Variants in ZFAT observed in about 807,000 individuals in gnomAD.
ZFAT encodes zinc finger and AT-hook domain containing, also known as zinc finger protein ZFAT.
In ZFAT, 64 loss-of-function variants were observed where a neutral mutation model predicts 117.7. The observed-to-expected ratio is 0.54, with a 90% CI of 0.44 to 0.67. ZFAT has a LOEUF of 0.67. Ranked by LOEUF, ZFAT falls within the 30% of genes least tolerant of loss-of-function variation. The pLI is 0.00. For synonymous variants in ZFAT, 679 were observed against 615.0 expected (o/e 1.10, Z -1.54); for missense variants, 1,433 against 1,584.5 (o/e 0.90, Z 1.62).
At chr8:134,827,509 T>C in the ZFAT span, among the ~76,000 whole-genome samples, 1 of 152,190 alleles carries the variant, frequency 6.6e-6, no homozygotes, top group Non-Finnish European at 1.5e-5. Context: ...GGCTAACACC[T>C]GTAATCCCAG....
chr8:134,615,702 C>T (rs1221324412), intron 3 of ZFAT, among the ~76,000 whole-genome samples: 1 of 152,226 alleles, frequency 6.6e-6, no homozygotes, highest in African/African-American at 2.4e-5. Flanking sequence ...AAATACACAC[C>T]TCCAAGCCCC....
At chr8:134,689,707 T>C (rs764329482) in intron 1 of ZFAT, among the ~76,000 whole-genome samples, 1 of 152,216 alleles carries the variant, frequency 6.6e-6, no homozygotes, top group African/African-American at 2.4e-5. Context: ...TACTTTTTTC[T>C]TAAAAGGTAC....
At chr8:134,657,521 G>A (rs756298450) in intron 2 of ZFAT, 40 bp downstream of exon 2, 4 of 1,544,282 alleles carry the variant, frequency 2.6e-6, no homozygotes, top group Non-Finnish European at 2.6e-6. Flanking sequence ...ATCAACAGGT[G>A]TGTCAGAAGG....
intron 1 of ZFAT, among the ~76,000 whole-genome samples, chr8:134,659,454 C>G (rs1190403036): frequency 6.6e-6 from 1 of 152,206 alleles, no homozygotes; most frequent in Admixed American, 6.5e-5. Flanking sequence ...ACCAACACTT[C>G]ACTTGTGTGA....
the ZFAT span, among the ~76,000 whole-genome samples, chr8:134,801,137 G>A: frequency 1.3e-5 from 2 of 152,004 alleles, no homozygotes; most frequent in Non-Finnish European, 2.9e-5. Context: ...ATGAAACACT[G>A]TGAGGAGCTT....
At chr8:134,529,909 T>C (rs1821293135) in intron 12 of ZFAT, among the ~76,000 whole-genome samples, 1 of 152,170 alleles carries the variant, frequency 6.6e-6, no homozygotes, top group African/African-American at 2.4e-5. Context: ...CCATGGAGAA[T>C]GCCATAGTAC....
In ZFAT at chr8:134,566,411, G is replaced by A. The variant is rs78128392; in HGVS notation, c.2888-990C>T. On this transcript the variant is annotated intron_variant, in intron 10 of 15. Coordinates refer to ENST00000377838, the MANE Select transcript of ZFAT (RefSeq NM_020863.4). ...TCCAACTCAAAAAAAAAAAAAAAAA[G>A]ATTAAGGTTTTAGCAATATTTAAAC... Among the ~76,000 whole-genome samples, 670 of 76,036 alleles carry A rather than the reference G, an allele frequency of 8.8e-3. 3 individuals are homozygous for A. The highest frequency in any genetic ancestry group is 0.018 in the East Asian group (24 of 1,348). The allele number at this position is 76,036 out of a possible 152,430, so 49.9% of individuals were successfully genotyped here. A position where few individuals can be genotyped will look rare whatever the true frequency, so the allele number is the denominator to read the frequency against.
At chr8:134,558,985 A>G (rs936043448) in intron 11 of ZFAT, among the ~76,000 whole-genome samples, 2 of 152,246 alleles carry the variant, frequency 1.3e-5, no homozygotes, top group Admixed American at 6.5e-5. Context: ...CAGAATCTCA[A>G]TGAAATTCCA....
At position 134,532,728 on chromosome 8, in the gene ZFAT, A is replaced by G. The variant is rs150487267; in HGVS notation, c.3115+106T>C. The G allele has an allele frequency of 1.8e-5, 25 of 1,422,596 alleles. No individual in the cohort carries two copies. In the African/African-American group the frequency reaches 2.5e-4, roughly 14 times the overall value. 88.1% of individuals were successfully genotyped at this position (1,422,596 alleles called of 1,614,324 possible). ...GATGAAGAATGAACATCACTGGCAC[A>G]TTTATGTAGCAGAACTGAACTGCAG... On this transcript the variant is annotated intron_variant, in intron 12 of 15. Coordinates refer to ENST00000377838, the MANE Select transcript of ZFAT (RefSeq NM_020863.4).
chr8:134,521,109 C>A lies in ZFAT; in HGVS notation c.3116-108G>T. Reference sequence around the variant, plus strand: ...TCAAATCTAGTAAGTATTATTTTGTCTCCAGCACTTGTATTCAATTCAAGC... The same window carrying A: ...TCAAATCTAGTAAGTATTATTTTGTATCCAGCACTTGTATTCAATTCAAGC... On this transcript the variant is annotated intron_variant, in intron 12 of 15. Transcript: ENST00000377838. The A allele has an allele frequency of 5.4e-6, 4 of 737,812 alleles. No homozygotes were observed. The South Asian group carries it at 5.5e-5, about 10-fold the overall frequency. The allele number at this position is 737,812 out of a possible 1,614,324, so 45.7% of individuals were successfully genotyped here. A position where few individuals can be genotyped will look rare whatever the true frequency, so the allele number is the denominator to read the frequency against.
chr8:134,610,783 C>CTTTTTTAATGAT, intron 3 of ZFAT, 128 bp from the exon 4 acceptor site: 5 of 1,030,854 alleles, frequency 4.9e-6, no homozygotes, highest in Admixed American at 5.1e-5. Flanking sequence ...CCACGCAGAC[C>CTTTTTTAATGAT]ACGGAATCAC....
chr8:134,730,075 T>C, the ZFAT span, among the ~76,000 whole-genome samples: 1 of 152,164 alleles, frequency 6.6e-6, no homozygotes, highest in African/African-American at 2.4e-5. Context: ...GACCTGGCCT[T>C]TGGTTGTTAC....
At chr8:134,712,177 A>T (rs1270694045) in intron 1 of ZFAT, among the ~76,000 whole-genome samples, 1 of 152,224 alleles carries the variant, frequency 6.6e-6, no homozygotes, top group African/African-American at 2.4e-5. Flanking sequence ...TAATTTTTAA[A>T]GCCCCAGCTC....
chr8:134,744,380 C>T, the ZFAT span, among the ~76,000 whole-genome samples: 2 of 150,458 alleles, frequency 1.3e-5, no homozygotes, highest in Non-Finnish European at 2.9e-5. Context: ...ACGGCAACCT[C>T]TGCCTTGCAG....
intron 7 of ZFAT, chr8:134,597,756 C>G (rs1016234786): frequency 6.6e-6 from 1 of 152,114 alleles, no homozygotes; most frequent in East Asian, 1.9e-4. Flanking sequence ...AACACATTCA[C>G]CTTTAAAAGC....
intron 1 of ZFAT, among the ~76,000 whole-genome samples, chr8:134,675,916 G>A (rs1157544363): frequency 6.6e-6 from 1 of 152,046 alleles, no homozygotes; most frequent in African/African-American, 2.4e-5. Context: ...TCACCACCAG[G>A]CCTGCCCTAC....
intron 10 of ZFAT, among the ~76,000 whole-genome samples, chr8:134,571,047 C>T (rs117300818): frequency 0.031 from 4,771 of 152,284 alleles, 128 homozygotes; most frequent in East Asian, 0.051. Flanking sequence ...ATTCACTCAG[C>T]GAGCATTCAC....
chr8:134,742,670 G>A, the ZFAT span, among the ~76,000 whole-genome samples: 23 of 152,212 alleles, frequency 1.5e-4, no homozygotes, highest in Middle Eastern at 3.4e-3. Flanking sequence ...CATCGTTCTC[G>A]CACTGCAAGT....
chr8:134,735,280 G>C, the ZFAT span, among the ~76,000 whole-genome samples: 1 of 152,122 alleles, frequency 6.6e-6, no homozygotes, highest in Non-Finnish European at 1.5e-5. Context: ...AGCCTGAAAG[G>C]GTTGTGTGAC....
Sources: gnomAD v4.1 joint callset for allele counts (sites outside exome capture counted in the v4.1 genomes callset) on GRCh38, gnomAD v4.1.1 for gene constraint, MANE v1.5 for transcripts, NCBI Gene and HGNC (gene_info 2026-07-23, HGNC 2026-07-21) for gene names.